SOX5: variants seen among roughly 807,000 people sequenced by gnomAD.
SOX5 encodes the protein SRY-box transcription factor 5.
In SOX5, 9 loss-of-function variants were observed where a neutral mutation model predicts 92.0. The observed-to-expected ratio is 0.10, with a 90% confidence interval of 0.06 to 0.17. The LOEUF is 0.17. Ranked by LOEUF, SOX5 falls within the 10% of genes least tolerant of loss-of-function variation. SOX5 has a pLI of 1.00. For missense variants in SOX5, 642 were observed against 944.5 expected, an observed-to-expected ratio of 0.68 and a Z score of 4.20; for synonymous variants, 344 against 336.3, an observed-to-expected ratio of 1.02 and a Z score of -0.25.
At chr12:23,872,820 C>T (rs921764519) in intron 2 of SOX5, among the ~76,000 whole-genome samples, 2 of 152,076 alleles carry the variant, frequency 1.3e-5, no homozygotes, top group African/African-American at 4.8e-5. Context: ...GAGAACTACG[C>T]AAGAAAAGGA....
At chr12:23,654,216 A>G (rs1026484067) in intron 7 of SOX5, among the ~76,000 whole-genome samples, 1 of 152,134 alleles carries the variant, frequency 6.6e-6, no homozygotes, top group African/African-American at 2.4e-5. Flanking sequence ...GACCCAGAGA[A>G]GGTAGTTAAA....
intron 4 of SOX5, among the ~76,000 whole-genome samples, chr12:24,084,039 G>A (rs1050333164): frequency 6.6e-6 from 1 of 151,954 alleles, no homozygotes; most frequent in African/African-American, 2.4e-5. Flanking sequence ...GAGGAAAGGA[G>A]GAAAGGCACT....
chr12:23,914,044 C>G (rs1240306968), intron 1 of SOX5, among the ~76,000 whole-genome samples: 1 of 152,156 alleles, frequency 6.6e-6, no homozygotes, highest in African/African-American at 2.4e-5. Flanking sequence ...GGAATTAAAA[C>G]CTTTGCAAAC....
chr12:23,917,304 G>A (rs746554854), intron 1 of SOX5, among the ~76,000 whole-genome samples: 8 of 152,142 alleles, frequency 5.3e-5, no homozygotes, highest in Admixed American at 1.3e-4. Context: ...ACTTTGGGAG[G>A]CTGAGGCGGG....
chr12:23,840,149 G>A (rs2096494619), intron 3 of SOX5, among the ~76,000 whole-genome samples: 1 of 151,850 alleles, frequency 6.6e-6, no homozygotes, highest in Non-Finnish European at 1.5e-5. Flanking sequence ...GATGCAAGGG[G>A]AATATACTAC....
intron 4 of SOX5, among the ~76,000 whole-genome samples, chr12:23,999,672 T>C (rs1016450977): frequency 7.9e-5 from 12 of 152,028 alleles, no homozygotes; most frequent in Non-Finnish European, 1.6e-4. Flanking sequence ...AAAAATTGTC[T>C]TTAAAAAAGA....
intron 1 of SOX5, among the ~76,000 whole-genome samples, chr12:23,947,623 T>G (rs1326845339): frequency 6.6e-6 from 1 of 151,842 alleles, no homozygotes; most frequent in East Asian, 1.9e-4. Context: ...TATTTCTAAA[T>G]ATGATAGTCA....
chr12:23,974,438 C>G (rs1419662586), intron 4 of SOX5, among the ~76,000 whole-genome samples: 11 of 152,058 alleles, frequency 7.2e-5, no homozygotes, highest in Admixed American at 3.3e-4. Context: ...AAATTCTACT[C>G]TCATTCCAAT....
At chr12:24,191,420 C>G (rs908098986) in intron 4 of SOX5, among the ~76,000 whole-genome samples, 3 of 152,288 alleles carry the variant, frequency 2.0e-5, no homozygotes, top group Admixed American at 2.0e-4. Flanking sequence ...TGTGCCAAGG[C>G]TTCCTGCTGC....
chr12:24,476,754 T>C (rs976399054), intron 1 of SOX5, among the ~76,000 whole-genome samples: 1 of 152,154 alleles, frequency 6.6e-6, no homozygotes, highest in African/African-American at 2.4e-5. Flanking sequence ...TTCACCTCTG[T>C]TTGGTCCCTA....
intron 1 of SOX5, among the ~76,000 whole-genome samples, chr12:24,398,240 A>C (rs1294032390): frequency 1.3e-5 from 2 of 152,198 alleles, no homozygotes; most frequent in African/African-American, 2.4e-5. Flanking sequence ...GCAGTGGCTC[A>C]CGCCTGTAAT....
intron 4 of SOX5, among the ~76,000 whole-genome samples, chr12:24,014,296 T>C (rs1285199484): frequency 1.3e-5 from 2 of 152,152 alleles, no homozygotes; most frequent in African/African-American, 2.4e-5. Flanking sequence ...CCTGGATAAC[T>C]ACTCATTATG....
intron 1 of SOX5, among the ~76,000 whole-genome samples, chr12:23,900,181 A>G (rs2097216551): frequency 6.6e-6 from 1 of 152,238 alleles, no homozygotes; most frequent in Non-Finnish European, 1.5e-5. Flanking sequence ...TCCCAAATGT[A>G]GCCTGTAACA....
intron 4 of SOX5, among the ~76,000 whole-genome samples, chr12:24,061,653 A>G (rs771549836): frequency 1.3e-5 from 2 of 152,120 alleles, no homozygotes; most frequent in Non-Finnish European, 2.9e-5. Flanking sequence ...CATGTTACCC[A>G]AAAGTCTAAA....
intron 2 of SOX5, among the ~76,000 whole-genome samples, chr12:23,890,557 G>A (rs546673274): frequency 6.6e-6 from 1 of 151,714 alleles, no homozygotes; most frequent in Non-Finnish European, 1.5e-5. Flanking sequence ...GCACCAAAAC[G>A]GTCACCAAAA....
chr12:23,994,128 A>C (rs1008261389), intron 4 of SOX5, among the ~76,000 whole-genome samples: 2 of 152,026 alleles, frequency 1.3e-5, no homozygotes, highest in Admixed American at 1.3e-4. Context: ...GTCTCCAAAA[A>C]CAAAATAAAA....
chr12:24,309,418 ATTG>A (rs1457053977), intron 2 of SOX5, among the ~76,000 whole-genome samples: 4 of 152,194 alleles, frequency 2.6e-5, no homozygotes, highest in Admixed American at 6.5e-5. Flanking sequence ...GTAAGCTATT[ATTG>A]TTATTCTCCA....
chr12:24,246,434 A>G (rs963953069), intron 3 of SOX5, among the ~76,000 whole-genome samples: 2 of 152,166 alleles, frequency 1.3e-5, no homozygotes, highest in African/African-American at 4.8e-5. Flanking sequence ...TCAACCTAGC[A>G]TCATACCACC....
intron 8 of SOX5, among the ~76,000 whole-genome samples, chr12:23,608,891 T>A (rs944836153): frequency 6.6e-6 from 1 of 152,188 alleles, no homozygotes; most frequent in South Asian, 2.1e-4. Flanking sequence ...ATTATTGATA[T>A]AGCAGAGGAG....
Sources: gnomAD v4.1 joint callset for allele counts (sites outside exome capture counted in the v4.1 genomes callset) on GRCh38, gnomAD v4.1.1 for gene constraint, MANE v1.5 for transcripts, NCBI Gene and HGNC (gene_info 2026-07-23, HGNC 2026-07-21) for gene names.